The following SPMIP2 variants were observed in gnomAD, a reference collection of about 807,000 sequenced individuals.
SPMIP2 encodes protein SPMIP2.
At chr4:158,911,433 A>G in the SPMIP2 span, among the ~76,000 whole-genome samples, 1 of 152,196 alleles carries the variant, frequency 6.6e-6, no homozygotes, top group African/African-American at 2.4e-5. Context: ...CAGCTGATTC[A>G]TCTTCTCCAG....
chr4:159,035,499 AC>A, the SPMIP2 span, among the ~76,000 whole-genome samples: 1 of 152,214 alleles, frequency 6.6e-6, no homozygotes, highest in African/African-American at 2.4e-5. Flanking sequence ...ACAGCAAAAA[AC>A]AAAAAGCCCC....
At chr4:158,956,912 T>G in the SPMIP2 span, among the ~76,000 whole-genome samples, 2 of 152,170 alleles carry the variant, frequency 1.3e-5, no homozygotes, top group African/African-American at 4.8e-5. Flanking sequence ...AATCGTCTCC[T>G]GGCTGATGTT....
the SPMIP2 span, among the ~76,000 whole-genome samples, chr4:158,954,680 A>G: frequency 6.6e-6 from 1 of 152,242 alleles, no homozygotes; most frequent in Non-Finnish European, 1.5e-5. Flanking sequence ...CTCGAGTTCA[A>G]TGACTCAGAA....
At chr4:158,994,289 TC>T in the SPMIP2 span, among the ~76,000 whole-genome samples, 1 of 152,202 alleles carries the variant, frequency 6.6e-6, no homozygotes, top group Admixed American at 6.5e-5. Context: ...ATTAAAGAGT[TC>T]CATTAAAAGA....
the SPMIP2 span, among the ~76,000 whole-genome samples, chr4:158,975,219 T>G: frequency 2.0e-5 from 3 of 152,194 alleles, no homozygotes; most frequent in South Asian, 4.2e-4. Context: ...ATGGATAGAT[T>G]GCAAAAATTT....
chr4:158,925,387 T>G, the SPMIP2 span, among the ~76,000 whole-genome samples: 1 of 152,218 alleles, frequency 6.6e-6, no homozygotes, highest in East Asian at 1.9e-4. Context: ...ATGTCCTTAT[T>G]TTATTCCTGA....
the SPMIP2 span, chr4:159,007,296 C>T: frequency 4.3e-6 from 4 of 924,224 alleles, no homozygotes; most frequent in East Asian, 2.8e-5. Context: ...CCTGACTTCC[C>T]TCCGGGCCCC....
chr4:159,061,371 G>T, the SPMIP2 span, among the ~76,000 whole-genome samples: 2 of 151,904 alleles, frequency 1.3e-5, no homozygotes, highest in African/African-American at 4.8e-5. Flanking sequence ...ACATGTACTT[G>T]CCTTACCCCG....
chr4:159,071,034 CT>C, the SPMIP2 span, among the ~76,000 whole-genome samples: 1 of 152,080 alleles, frequency 6.6e-6, no homozygotes, highest in African/African-American at 2.4e-5. Context: ...GTTTGTTGCC[CT>C]GTGGATTGGT....
the SPMIP2 span, among the ~76,000 whole-genome samples, chr4:158,896,764 A>G: frequency 2.1e-4 from 30 of 144,650 alleles, no homozygotes; most frequent in African/African-American, 7.2e-4. Context: ...AACTTGCAAC[A>G]TGTCTCTTTG....
the SPMIP2 span, among the ~76,000 whole-genome samples, chr4:159,050,264 G>A: frequency 6.7e-6 from 1 of 149,950 alleles, no homozygotes; most frequent in East Asian, 1.9e-4. Context: ...CTTGAGAAGT[G>A]GACAGGTGTG....
At chr4:159,053,931 AG>A in the SPMIP2 span, among the ~76,000 whole-genome samples, 1 of 146,270 alleles carries the variant, frequency 6.8e-6, no homozygotes, top group Non-Finnish European at 1.5e-5. Context: ...AAAAAAAAAA[AG>A]AGAGAAAGAG....
chr4:158,959,938 T>A, the SPMIP2 span, among the ~76,000 whole-genome samples: 215 of 152,262 alleles, frequency 1.4e-3, no homozygotes, highest in African/African-American at 4.9e-3. Context: ...CTGAAAAAAA[T>A]TAATATTGTT....
At chr4:159,040,440 G>A in the SPMIP2 span, among the ~76,000 whole-genome samples, 2 of 151,482 alleles carry the variant, frequency 1.3e-5, no homozygotes, top group African/African-American at 4.9e-5. Context: ...CAAAGTGCTG[G>A]GATTACAGGT....
the SPMIP2 span, among the ~76,000 whole-genome samples, chr4:158,974,036 G>A: frequency 6.8e-6 from 1 of 146,474 alleles, no homozygotes; most frequent in South Asian, 2.2e-4. Flanking sequence ...TTTATCCCAT[G>A]CTACATTTGC....
At chr4:159,048,715 T>C in the SPMIP2 span, among the ~76,000 whole-genome samples, 4 of 150,334 alleles carry the variant, frequency 2.7e-5, no homozygotes, top group Admixed American at 2.7e-4. Context: ...CTAATAATTT[T>C]TTCTCTCCCC....
At chr4:159,039,166 T>C in the SPMIP2 span, among the ~76,000 whole-genome samples, 1 of 152,072 alleles carries the variant, frequency 6.6e-6, no homozygotes, top group Non-Finnish European at 1.5e-5. Flanking sequence ...CTGGAACTCC[T>C]GGGCTCAAGC....
the SPMIP2 span, among the ~76,000 whole-genome samples, chr4:159,069,040 C>A: frequency 6.6e-6 from 1 of 152,176 alleles, no homozygotes; most frequent in Non-Finnish European, 1.5e-5. Context: ...CCGTGGCTCA[C>A]ACCTATAATC....
the SPMIP2 span, among the ~76,000 whole-genome samples, chr4:159,022,783 G>A: frequency 6.6e-6 from 1 of 152,138 alleles, no homozygotes; most frequent in Non-Finnish European, 1.5e-5. Flanking sequence ...TGTAATCCCA[G>A]CACTTTGGGA....
Sources: gnomAD v4.1 joint callset for allele counts (sites outside exome capture counted in the v4.1 genomes callset) on GRCh38, gnomAD v4.1.1 for gene constraint, MANE v1.5 for transcripts, NCBI Gene and HGNC (gene_info 2026-07-23, HGNC 2026-07-21) for gene names.